THADA: variants seen among roughly 807,000 people sequenced by gnomAD.
THADA encodes the protein THADA armadillo repeat containing.
THADA carries 213 observed loss-of-function variants against 219.8 expected under a neutral mutation model. That is an observed-to-expected ratio of 0.97 (90% CI 0.87 to 1.09). THADA has a LOEUF of 1.09. Among genes scored for constraint, THADA ranks in the 50% least tolerant of loss-of-function variants. The pLI, the probability that THADA is intolerant of heterozygous loss-of-function variation, is 0.00. For missense variants in THADA, 2,956 were observed against 2,311.3 expected (o/e 1.28, Z -5.72); for synonymous variants, 1,018 against 828.9 (o/e 1.23, Z -3.92).
chr2:43,500,530 A>G (rs1362104089), intron 24 of THADA, among the ~76,000 whole-genome samples: 1 of 152,240 alleles, frequency 6.6e-6, no homozygotes, highest in Admixed American at 6.5e-5. Context: ...TGAAAAATCA[A>G]TACAATTCAT....
At chr2:43,487,426 G>A (rs1386975532) in intron 25 of THADA, among the ~76,000 whole-genome samples, 1 of 152,064 alleles carries the variant, frequency 6.6e-6, no homozygotes, top group Non-Finnish European at 1.5e-5. Context: ...AAACTGTAGA[G>A]GACTATTTTA....
chr2:43,306,650 C>A (rs1475044552), intron 31 of THADA, among the ~76,000 whole-genome samples: 1 of 152,188 alleles, frequency 6.6e-6, no homozygotes, highest in African/African-American at 2.4e-5. Context: ...GGCACCAAAT[C>A]ATCTGTGATG....
intron 22 of THADA, among the ~76,000 whole-genome samples, chr2:43,514,916 T>C (rs1435644691): frequency 1.4e-5 from 1 of 70,074 alleles, no homozygotes; most frequent in Non-Finnish European, 2.4e-5. Context: ...ATATATTTTA[T>C]GTATAATATA....
At chr2:43,571,570 G>A (rs1008470637) in intron 13 of THADA, 137 bp downstream of exon 13, 17 of 782,468 alleles carry the variant, frequency 2.2e-5, no homozygotes, top group East Asian at 1.8e-4. Flanking sequence ...ACAGGTCACA[G>A]AACGGCCGTC....
chr2:43,248,823 C>T (rs1226980309), intron 36 of THADA, among the ~76,000 whole-genome samples: 2 of 152,164 alleles, frequency 1.3e-5, no homozygotes, highest in Admixed American at 6.5e-5. Context: ...CTCTCAGCCT[C>T]GTGCCCAGTC....
chr2:43,321,392 T>C (rs1177394442), intron 30 of THADA, among the ~76,000 whole-genome samples: 1 of 152,218 alleles, frequency 6.6e-6, no homozygotes, highest in Non-Finnish European at 1.5e-5. Flanking sequence ...TTATCACCTC[T>C]GCTATGGTTT....
chr2:43,290,037 A>T (rs1166542208), intron 34 of THADA, among the ~76,000 whole-genome samples: 3 of 134,862 alleles, frequency 2.2e-5, no homozygotes, highest in African/African-American at 8.6e-5. Context: ...GTGCAGTGGC[A>T]TGATCTCAGA....
chr2:43,401,942 T>TA (rs1381510991), intron 28 of THADA, among the ~76,000 whole-genome samples: 1 of 144,220 alleles, frequency 6.9e-6, no homozygotes, highest in Non-Finnish European at 1.6e-5. Context: ...TTTTGTTGTT[T>TA]TTTTTTTTAA....
chr2:43,521,380 C>T (rs913455985), intron 22 of THADA, among the ~76,000 whole-genome samples: 1 of 152,076 alleles, frequency 6.6e-6, no homozygotes, highest in Non-Finnish European at 1.5e-5. Flanking sequence ...CATGGCGAAA[C>T]CCAGTCTCTA....
chr2:43,308,190 T>C (rs1226041756), intron 31 of THADA, among the ~76,000 whole-genome samples: 7 of 152,054 alleles, frequency 4.6e-5, no homozygotes, highest in Admixed American at 2.6e-4. Flanking sequence ...CCCTGTATCA[T>C]TCTTTTTAAA....
chr2:43,413,317 A>C (rs955232145), intron 28 of THADA, among the ~76,000 whole-genome samples: 1 of 151,864 alleles, frequency 6.6e-6, no homozygotes, highest in Non-Finnish European at 1.5e-5. Context: ...TAGTCCTAAA[A>C]CCCCACCACC....
At chr2:43,453,518 C>A (rs1364857619) in intron 26 of THADA, among the ~76,000 whole-genome samples, 2 of 152,166 alleles carry the variant, frequency 1.3e-5, no homozygotes, top group African/African-American at 2.4e-5. Flanking sequence ...AAAACTCTAA[C>A]CTCTGGCTCC....
At chr2:43,371,821 G>T (rs193160435) in intron 29 of THADA, 1 of 151,994 alleles carries the variant, frequency 6.6e-6, no homozygotes, top group East Asian at 1.9e-4. Context: ...TAGAGGGTCC[G>T]CTATTTCCCT....
chr2:43,546,366 T>C (rs545499808), intron 20 of THADA, among the ~76,000 whole-genome samples: 1 of 152,290 alleles, frequency 6.6e-6, no homozygotes, highest in African/African-American at 2.4e-5. Context: ...GGTGGAGAGT[T>C]CTGTAGATGT....
intron 35 of THADA, among the ~76,000 whole-genome samples, chr2:43,286,173 T>C (rs1267438904): frequency 6.6e-6 from 1 of 152,048 alleles, no homozygotes; most frequent in Non-Finnish European, 1.5e-5. Context: ...CAAGCAGTGG[T>C]TTGTTTAATT....
At chr2:43,363,912 T>C (rs1196911528) in intron 29 of THADA, among the ~76,000 whole-genome samples, 2 of 151,788 alleles carry the variant, frequency 1.3e-5, no homozygotes, top group African/African-American at 4.8e-5. Context: ...TAGAGCAAGA[T>C]CTTCTCTCTA....
chr2:43,357,937 A>G (rs1311843137), intron 29 of THADA, among the ~76,000 whole-genome samples: 7 of 152,170 alleles, frequency 4.6e-5, no homozygotes. Context: ...GACTCATAGC[A>G]AATTGCAAAA....
At chr2:43,285,893 T>C (rs1490615890) in intron 35 of THADA, among the ~76,000 whole-genome samples, 1 of 152,144 alleles carries the variant, frequency 6.6e-6, no homozygotes, top group East Asian at 1.9e-4. Context: ...CTAATACAGA[T>C]ACCTTCAACT....
At chr2:43,585,533 T>C (rs932831645) in intron 7 of THADA, among the ~76,000 whole-genome samples, 15 of 77,694 alleles carry the variant, frequency 1.9e-4, no homozygotes, top group African/African-American at 8.7e-4. Context: ...AAAAAAAATG[T>C]AGATAGATAG....
Sources: gnomAD v4.1 joint callset for allele counts (sites outside exome capture counted in the v4.1 genomes callset) on GRCh38, gnomAD v4.1.1 for gene constraint, MANE v1.5 for transcripts, NCBI Gene and HGNC (gene_info 2026-07-23, HGNC 2026-07-21) for gene names.